The following RNF182 variants were observed in gnomAD, a reference collection of about 807,000 sequenced individuals.
The protein encoded by RNF182 is E3 ubiquitin-protein ligase RNF182.
In RNF182, 15 loss-of-function variants were observed where a neutral mutation model predicts 14.4. The observed-to-expected ratio is 1.04, with a 90% CI of 0.70 to 1.60. The LOEUF is 1.60. Ranked by LOEUF, RNF182 falls within the 40% of genes most tolerant of loss-of-function variation. The pLI is 0.00. For missense variants in RNF182, 268 were observed against 294.8 expected (o/e 0.91, Z 0.67); for synonymous variants, 128 against 122.9 (o/e 1.04, Z -0.27).
intron 1 of RNF182, among the ~76,000 whole-genome samples, chr6:13,939,579 T>G (rs190614685): frequency 6.6e-6 from 1 of 152,292 alleles, no homozygotes; most frequent in East Asian, 1.9e-4. Context: ...AGTCTCTCTC[T>G]GTTGCCCACA....
intron 1 of RNF182, among the ~76,000 whole-genome samples, chr6:13,962,534 A>G (rs1759908811): frequency 6.6e-6 from 1 of 152,248 alleles, no homozygotes; most frequent in Non-Finnish European, 1.5e-5. Flanking sequence ...TCCATTTTGC[A>G]CAAAATAAAT....
At chr6:13,951,717 C>G (rs1012481580) in intron 1 of RNF182, among the ~76,000 whole-genome samples, 1 of 152,174 alleles carries the variant, frequency 6.6e-6, no homozygotes, top group Admixed American at 6.5e-5. Context: ...CTGAGTGGCT[C>G]TGATAGTCTT....
intron 1 of RNF182, among the ~76,000 whole-genome samples, chr6:13,939,243 C>T (rs1410795347): frequency 6.6e-6 from 1 of 152,162 alleles, no homozygotes; most frequent in African/African-American, 2.4e-5. Flanking sequence ...TTTCCACAAA[C>T]AACCTGATAG....
chr6:13,955,316 C>T lies in RNF182; in HGVS notation c.-366-18894C>T, dbSNP rs79161781. Reference sequence around the variant, plus strand: ...CTAAGGATTACACAGTAATACAATTCCATCATTGGTTGAAATCCTTCTATA... The same window carrying T: ...CTAAGGATTACACAGTAATACAATTTCATCATTGGTTGAAATCCTTCTATA... On this transcript the variant is annotated intron_variant, in intron 1 of 2. Coordinates refer to ENST00000488300, the MANE Select transcript of RNF182 (RefSeq NM_152737.4). 1.9e-3 allele frequency among the ~76,000 whole-genome samples: 284 copies of T among 152,212 alleles called. 3 individuals are homozygous for T. The East Asian group carries it at 0.039, about 21-fold the overall frequency.
In RNF182 at chr6:13,977,921, TA is replaced by T; in HGVS notation, c.*60del. The T allele has an allele frequency of 6.9e-7, 1 of 1,456,354 alleles. No homozygotes were observed. The highest frequency in any genetic ancestry group is 9.2e-7 in the Non-Finnish European group (1 of 1,083,640). 90.2% of individuals were successfully genotyped at this position (1,456,354 alleles called of 1,614,324 possible). A position where few individuals can be genotyped will look rare whatever the true frequency, so the allele number is the denominator to read the frequency against. On this transcript the variant is annotated 3_prime_UTR_variant, in exon 3 of 3. Coordinates refer to ENST00000488300, the MANE Select transcript of RNF182 (RefSeq NM_152737.4). ...TGCCCTGTTTGAGTGTGAAGTTAGA[TA>T]ATTTATAATTTATTTTCTTTTATGT... is the stretch of plus-strand genomic sequence containing the variant.
Position 13,977,556 on chromosome 6 carries a change from C to G in RNF182, c.437C>G (p.Ser146Cys). ...AGAGAGAGCTCCCCGTCCCTGAGCT[C>G]CACTCCTGTGGTAGAATTTTATAGG... ...VQRESSPSLS[S>C]TPVVEFYRPA... Residue 146 changes from serine to cysteine, a missense_variant, in exon 3 of 3, where the codon TCC becomes TGC. Coordinates refer to ENST00000488300, the MANE Select transcript of RNF182 (RefSeq NM_152737.4). 6.2e-7 allele frequency: 1 copy of G among 1,614,182 alleles called. No individual in the cohort carries two copies. Among genetic ancestry groups the G allele is most frequent in the South Asian group, 1.1e-5 (1 of 91,080 alleles).
rs1760454299 is a variant in RNF182 at position 13,980,080 on chromosome 6, G to A, written c.*2217G>A. The A allele has an allele frequency of 6.5e-6, 1 of 154,266 alleles. No individual in the cohort carries two copies. Among genetic ancestry groups the A allele is most frequent in the African/African-American group, 2.4e-5 (1 of 41,392 alleles). 9.6% of individuals were successfully genotyped at this position (154,266 alleles called of 1,614,324 possible). On this transcript the variant is annotated 3_prime_UTR_variant, in exon 3 of 3. Coordinates refer to ENST00000488300, the MANE Select transcript of RNF182 (RefSeq NM_152737.4). ...TGCACCTCTGTTAGCTTTAGATAAC[G>A]GCAAACATGAACATTCAGAAACGTT...
chr6:13,971,359 G>A (rs760828288), intron 1 of RNF182, among the ~76,000 whole-genome samples: 14 of 151,958 alleles, frequency 9.2e-5, no homozygotes, highest in East Asian at 3.9e-4. Flanking sequence ...CTCCTTTTTC[G>A]CCTTCTGTCA....
rs576514961 is a variant in RNF182 at position 13,959,555 on chromosome 6, CA to C, written c.-366-14651del. Among the ~76,000 whole-genome samples, 188 of 152,250 alleles carry C rather than the reference CA, an allele frequency of 1.2e-3. 1 individual carries two copies. The highest frequency in any genetic ancestry group is 6.8e-3 in the Middle Eastern group (2 of 294). ...TAGAAGGTTCTGCAATGAACAAGGT[CA>C]AAACCTGGATTAGGATGTTGATGAT... On this transcript the variant is annotated intron_variant, in intron 1 of 2. Coordinates refer to ENST00000488300, the MANE Select transcript of RNF182 (RefSeq NM_152737.4).
intron 1 of RNF182, among the ~76,000 whole-genome samples, chr6:13,948,636 T>A (rs975711673): frequency 6.6e-6 from 1 of 152,212 alleles, no homozygotes; most frequent in Admixed American, 6.5e-5. Flanking sequence ...AAAGACTTAT[T>A]AAGTCTTTAG....
intron 1 of RNF182, 35 bp downstream of exon 1, chr6:13,925,058 G>C (rs1758781351): frequency 3.1e-3 from 1 of 320 alleles, no homozygotes; most frequent in Non-Finnish European, 5.8e-3. Context: ...GGGAGGGGTC[G>C]GCGGGACGCC....
chr6:13,925,780 C>G (rs1758808344), intron 1 of RNF182, among the ~76,000 whole-genome samples: 1 of 152,100 alleles, frequency 6.6e-6, no homozygotes, highest in South Asian at 2.1e-4. Context: ...CAAAGCACCT[C>G]TGGAGGCAGG....
Position 13,975,206 on chromosome 6 carries a change from A to G in RNF182, c.-212+842A>G, listed in dbSNP as rs532761821. 4.6e-5 allele frequency among the ~76,000 whole-genome samples: 7 copies of G among 152,280 alleles called. No individual in the cohort carries two copies. The South Asian group carries it at 1.5e-3, about 32-fold the overall frequency. On this transcript the variant is annotated intron_variant, in intron 2 of 2. Transcript: ENST00000488300. The stretch of plus-strand genomic sequence containing the variant: ...AACTCCTTCTTGTTCTTTGGCTGTC[A>G]TCCTGAAGATGTTCATCCCACAGGA...
At chr6:13,950,235 G>C (rs1464540102) in intron 1 of RNF182, among the ~76,000 whole-genome samples, 3 of 152,142 alleles carry the variant, frequency 2.0e-5, no homozygotes, top group Non-Finnish European at 4.4e-5. Context: ...AGATTGTAGA[G>C]CCCAAGACAA....
At chr6:13,937,623 T>C (rs1759166078) in intron 1 of RNF182, among the ~76,000 whole-genome samples, 1 of 152,282 alleles carries the variant, frequency 6.6e-6, no homozygotes, top group African/African-American at 2.4e-5. Context: ...ATAGTGCTGC[T>C]ATAAACATTC....
intron 1 of RNF182, among the ~76,000 whole-genome samples, chr6:13,946,140 C>CATTATCATTATT: frequency 7.3e-6 from 1 of 137,410 alleles, no homozygotes; most frequent in Non-Finnish European, 1.5e-5. Flanking sequence ...TAAAGCAAAA[C>CATTATCATTATT]ATTATTATTA....
chr6:13,925,113 ACGGCGCCGGGCCGCCCAAGCGCGCC>A (rs1758788223), intron 1 of RNF182, 90 bp downstream of exon 1: 1 of 55,288 alleles, frequency 1.8e-5, no homozygotes, highest in Non-Finnish European at 3.6e-5. Flanking sequence ...GCAGTCCTGG[ACGGCGCCGGGCCGCCCAAGCGCGCC>A]GAGGAGAGGG....
At chr6:13,952,378 A>G (rs1759616876) in intron 1 of RNF182, among the ~76,000 whole-genome samples, 1 of 152,184 alleles carries the variant, frequency 6.6e-6, no homozygotes, top group African/African-American at 2.4e-5. Context: ...AGTTCAAGGC[A>G]GATTAATCCA....
At chr6:13,975,554 CT>C (rs1332130001) in intron 2 of RNF182, among the ~76,000 whole-genome samples, 2 of 152,156 alleles carry the variant, frequency 1.3e-5, no homozygotes, top group African/African-American at 2.4e-5. Context: ...CATCTTGCCA[CT>C]GCTATCCGTT....
Sources: gnomAD v4.1 joint callset for allele counts (sites outside exome capture counted in the v4.1 genomes callset) on GRCh38, gnomAD v4.1.1 for gene constraint, MANE v1.5 for transcripts, NCBI Gene and HGNC (gene_info 2026-07-23, HGNC 2026-07-21) for gene names.